SFSWAP: variants seen among roughly 807,000 people sequenced by gnomAD.
SFSWAP encodes splicing factor SWAP.
A neutral mutation model predicts 100.7 loss-of-function variants in SFSWAP; 17 were observed. That is an observed-to-expected ratio of 0.17 (90% CI 0.12 to 0.25). The LOEUF (loss-of-function observed/expected upper bound fraction) is 0.25. Among genes scored for constraint, SFSWAP ranks in the 10% least tolerant of loss-of-function variants. The pLI is 1.00. For missense variants in SFSWAP, 1,005 were observed against 1,262.6 expected, an observed-to-expected ratio of 0.80 and a Z score of 3.09; for synonymous variants, 504 against 510.1, an observed-to-expected ratio of 0.99 and a Z score of 0.16.
At chr12:131,769,918 G>A (rs1044101377) in intron 13 of SFSWAP, among the ~76,000 whole-genome samples, 1 of 152,200 alleles carries the variant, frequency 6.6e-6, no homozygotes, top group Non-Finnish European at 1.5e-5. Flanking sequence ...TTTTGAATCT[G>A]TAGAACATAG....
At position 131,748,782 on chromosome 12, in the gene SFSWAP, C is replaced by T. The variant is rs145921889; in HGVS notation, c.1082-4341C>T. 2.8e-3 allele frequency among the ~76,000 whole-genome samples: 433 copies of T among 152,310 alleles called. 2 individuals are homozygous for T. The highest frequency in any genetic ancestry group is 9.6e-3 in the African/African-American group (398 of 41,568). On this transcript the variant is annotated intron_variant, in intron 7 of 17. Coordinates refer to ENST00000261674, the MANE Select transcript of SFSWAP (RefSeq NM_004592.4). ...TCCTGCTTTTAAGCAGCTTGGTTCT[C>T]GTCATACAACTATACTTGCCTTTAG...
chr12:131,745,683 A>G (rs1881037452), intron 7 of SFSWAP, among the ~76,000 whole-genome samples: 2 of 152,132 alleles, frequency 1.3e-5, no homozygotes. Flanking sequence ...AGGCTGGCAC[A>G]GTCTGAAGGA....
chr12:131,750,496 C>T (rs1010913069), intron 7 of SFSWAP, among the ~76,000 whole-genome samples: 4 of 151,850 alleles, frequency 2.6e-5, no homozygotes, highest in African/African-American at 9.7e-5. Context: ...ACAGAGGCTG[C>T]GCGTGTCTCG....
At chr12:131,772,259 AC>A (rs1883677824) in intron 13 of SFSWAP, among the ~76,000 whole-genome samples, 1 of 152,102 alleles carries the variant, frequency 6.6e-6, no homozygotes, top group African/African-American at 2.4e-5. Context: ...TCCCATTTGT[AC>A]TCGATCTTTC....
At chr12:131,743,441 G>T (rs571040007) in intron 7 of SFSWAP, among the ~76,000 whole-genome samples, 20 of 152,208 alleles carry the variant, frequency 1.3e-4, no homozygotes, top group Non-Finnish European at 2.9e-5. Context: ...CCCTGTACAA[G>T]TCCAAAATCT....
intron 11 of SFSWAP, among the ~76,000 whole-genome samples, chr12:131,762,447 T>C (rs1882757378): frequency 6.6e-6 from 1 of 152,196 alleles, no homozygotes; most frequent in Admixed American, 6.5e-5. Flanking sequence ...GAAATAAGCA[T>C]TGCTAGAAGG....
At position 131,778,373 on chromosome 12, in the gene SFSWAP, C is replaced by G; in HGVS notation, c.2408+43C>G. 6.3e-7 allele frequency: 1 copy of G among 1,587,874 alleles called. No homozygotes were observed. Among genetic ancestry groups the G allele is most frequent in the Non-Finnish European group, 8.6e-7 (1 of 1,167,638 alleles). ...AGCACCTCTGGTACCCTCATGACCC[C>G]CATGTCCTTCACAGGACACCCAGTA... On this transcript the variant is annotated intron_variant, in intron 14 of 17. Transcript: ENST00000261674. The surrounding 1 kb of genome is among the most constrained non-coding windows in gnomAD (Gnocchi z 4.2).
At chr12:131,799,171 G>C in intron 17 of SFSWAP, 62 bp downstream of exon 17, 1 of 1,368,288 alleles carries the variant, frequency 7.3e-7, no homozygotes, top group Non-Finnish European at 1.0e-6. Flanking sequence ...TGGTTTCTCT[G>C]TTGCTAATTT....
intron 7 of SFSWAP, among the ~76,000 whole-genome samples, chr12:131,731,466 T>G (rs1036389959): frequency 6.6e-6 from 1 of 152,216 alleles, no homozygotes; most frequent in Non-Finnish European, 1.5e-5. Context: ...TTGCAGAATT[T>G]GGGGTCCTGT....
At chr12:131,796,253 A>G (rs1395084696) in intron 15 of SFSWAP, 3 of 152,266 alleles carry the variant, frequency 2.0e-5, no homozygotes, top group African/African-American at 7.2e-5. Flanking sequence ...GTCTGCCTTT[A>G]CCAAGTACAT....
chr12:131,714,778 G>C lies in SFSWAP; in HGVS notation c.389-44G>C. 2.5e-6 allele frequency: 4 copies of C among 1,574,908 alleles called. No individual in the cohort carries two copies. The South Asian group carries it at 4.5e-5, about 18-fold the overall frequency. ...TTAGAAATATATAAAGTTTTTCTCA[G>C]TAATTTTCTATTTTTGTTGATAAAA... On this transcript the variant is annotated intron_variant, in intron 2 of 17. Transcript: ENST00000261674. This position sits in a 1 kb window ranked among gnomAD's most constrained non-coding sequence, Gnocchi z 6.0.
chr12:131,777,753 G>C (rs769768710), intron 13 of SFSWAP, among the ~76,000 whole-genome samples: 1 of 152,174 alleles, frequency 6.6e-6, no homozygotes, highest in Non-Finnish European at 1.5e-5. Context: ...AAAAAGGAAC[G>C]TATTTTTTCC....
chr12:131,760,542 C>T (rs1011663981), intron 11 of SFSWAP, among the ~76,000 whole-genome samples: 6 of 152,006 alleles, frequency 3.9e-5, no homozygotes. Flanking sequence ...GAGTGTAAGT[C>T]GATAGAACCC....
At chr12:131,735,396 ACT>A (rs1181648449) in intron 7 of SFSWAP, among the ~76,000 whole-genome samples, 1 of 152,096 alleles carries the variant, frequency 6.6e-6, no homozygotes, top group Non-Finnish European at 1.5e-5. Flanking sequence ...TAACAGAAGC[ACT>A]CTATCGTATT....
chr12:131,724,802 G>T (rs551723243), intron 4 of SFSWAP, among the ~76,000 whole-genome samples: 1 of 152,332 alleles, frequency 6.6e-6, no homozygotes, highest in East Asian at 1.9e-4. Flanking sequence ...CACCTAGGTG[G>T]TCTTCAGCTT....
At chr12:131,771,242 G>A (rs1883570193) in intron 13 of SFSWAP, among the ~76,000 whole-genome samples, 1 of 152,150 alleles carries the variant, frequency 6.6e-6, no homozygotes, top group African/African-American at 2.4e-5. Flanking sequence ...AGTGTTTGGT[G>A]TGTTACAGGC....
chr12:131,730,906 G>A lies in SFSWAP; in HGVS notation c.1081+2478G>A, dbSNP rs1394825331. ...GAGTAGTGGATACACACATGTGAGA[G>A]TAAGGGTGCCTGGGGGCTGGTGAAA... On this transcript the variant is annotated intron_variant, in intron 7 of 17. Transcript: ENST00000261674. This position sits in a 1 kb window ranked among gnomAD's most constrained non-coding sequence, Gnocchi z 4.0. 1.3e-5 allele frequency among the ~76,000 whole-genome samples: 2 copies of A among 152,196 alleles called. No individual in the cohort carries two copies. Among genetic ancestry groups the A allele is most frequent in the African/African-American group, 2.4e-5 (1 of 41,450 alleles).
In SFSWAP at chr12:131,711,847, C is replaced by T. The variant is rs953591861; in HGVS notation, c.218+400C>T. 9.0e-6 allele frequency: 2 copies of T among 221,394 alleles called. No individual in the cohort carries two copies. Among genetic ancestry groups the T allele is most frequent in the Admixed American group, 5.3e-5 (1 of 18,958 alleles). The allele number at this position is 221,394 out of a possible 1,614,324, so 13.7% of individuals were successfully genotyped here. A position where few individuals can be genotyped will look rare whatever the true frequency, so the allele number is the denominator to read the frequency against. ...GCGCTGCTTTTCTACTTGCCGCGCT[C>T]TCACTGCTCGGTGTACTGGGAGGGT... On this transcript the variant is annotated intron_variant, in intron 1 of 17. Coordinates refer to ENST00000261674, the MANE Select transcript of SFSWAP (RefSeq NM_004592.4). The surrounding 1 kb of genome is among the most constrained non-coding windows in gnomAD (Gnocchi z 4.9).
At chr12:131,796,172 C>G (rs1203957886) in intron 15 of SFSWAP, 1 of 152,372 alleles carries the variant, frequency 6.6e-6, no homozygotes, top group Admixed American at 6.5e-5. Flanking sequence ...CTGTTACAGA[C>G]GAATTCTGAA....
Sources: gnomAD v4.1 joint callset for allele counts (sites outside exome capture counted in the v4.1 genomes callset) on GRCh38, gnomAD v4.1.1 for gene constraint, Gnocchi (gnomAD v3.1) non-coding constraint, MANE v1.5 for transcripts, NCBI Gene and HGNC (gene_info 2026-07-23, HGNC 2026-07-21) for gene names.